TMPRSS2: variants seen among roughly 807,000 people sequenced by gnomAD.
TMPRSS2 encodes the protein transmembrane serine protease 2, also known as transmembrane protease serine 2.
Under a neutral mutation model 67.4 loss-of-function variants are expected in TMPRSS2, and 59 were observed. The ratio of observed to expected loss-of-function variants is 0.88; its 90% confidence interval spans 0.71 to 1.09. The LOEUF is 1.09. Among genes scored for constraint, TMPRSS2 ranks in the 50% least tolerant of loss-of-function variants. TMPRSS2 has a pLI of 0.00. For missense variants in TMPRSS2, 668 were observed against 642.7 expected, an observed-to-expected ratio of 1.04 and a Z score of -0.43; for synonymous variants, 257 against 257.0, an observed-to-expected ratio of 1.00 and a Z score of 0.00.
chr21:41,472,369 T>A (rs1007664762), intron 9 of TMPRSS2, among the ~76,000 whole-genome samples: 11 of 152,180 alleles, frequency 7.2e-5, no homozygotes, highest in Admixed American at 7.2e-4. Context: ...ATGAACAGAC[T>A]TGTCCGATAT....
intron 11 of TMPRSS2, 68 bp downstream of exon 11, chr21:41,470,580 C>T (rs1339611244): frequency 6.9e-7 from 1 of 1,453,260 alleles, no homozygotes; most frequent in Non-Finnish European, 9.5e-7. Flanking sequence ...AAACCTGGAC[C>T]TCCCACTTCC....
In TMPRSS2 at chr21:41,464,497, T is replaced by C. The variant is rs560183935; in HGVS notation, c.*1645A>G. 6.7e-4 allele frequency: 133 copies of C among 198,120 alleles called. No homozygotes were observed. Among genetic ancestry groups the C allele is most frequent in the African/African-American group, 3.0e-3 (129 of 43,484 alleles). The allele number at this position is 198,120 out of a possible 1,614,324, so 12.3% of individuals were successfully genotyped here. On this transcript the variant is annotated 3_prime_UTR_variant, in exon 14 of 14. Transcript: ENST00000332149. ...CAGCAGCCTCAACATCACCCCCTTA[T>C]AAGGAAATGGAGGCTGGTCCTACTC...
intron 2 of TMPRSS2, among the ~76,000 whole-genome samples, chr21:41,495,526 G>A (rs1247131974): frequency 4.0e-5 from 6 of 151,602 alleles, no homozygotes; most frequent in Non-Finnish European, 7.4e-5. Context: ...TTGGGAGGCC[G>A]AGGCGGGAGA....
Position 41,468,476 on chromosome 21 carries a change from T to C in TMPRSS2, c.1234A>G (p.Ser412Gly), listed in dbSNP as rs749796459. Residue 412 changes from serine (S) to glycine (G), a missense_variant, in exon 12 of 14, where the codon AGC (serine) becomes GGC (glycine). Ser to Gly is a moderately conservative substitution (Grantham distance 56, BLOSUM62 0). Transcript: ENST00000332149. ...ATCAGGTTGTCATAGACATATCTGC[T>C]GTTGCATCTCTGTGTCTCAATGAGA... ...VLLIETQRCN[S>G]RYVYDNLITP... The C allele has an allele frequency of 1.9e-6, 3 of 1,614,224 alleles. No homozygotes were observed. In the African/African-American group the frequency reaches 4.0e-5, roughly 22 times the overall value.
chr21:41,473,199 G>A, intron 9 of TMPRSS2, 126 bp downstream of exon 9: 2 of 1,126,734 alleles, frequency 1.8e-6, no homozygotes, highest in Non-Finnish European at 2.5e-6. Context: ...TAGGAAGCAG[G>A]TGCAATACTC....
rs1430156730 is a variant in TMPRSS2 at position 41,508,047 on chromosome 21, C to T, written c.-57+34G>A. 3.1e-6 allele frequency: 4 copies of T among 1,298,582 alleles called. No homozygotes were observed. The African/African-American group carries it at 4.6e-5, about 15-fold the overall frequency. The allele number at this position is 1,298,582 out of a possible 1,614,324, so 80.4% of individuals were successfully genotyped here. On this transcript the variant is annotated intron_variant, in intron 1 of 13. Coordinates refer to ENST00000332149, the MANE Select transcript of TMPRSS2 (RefSeq NM_005656.4). ...CCAGGTTCCCCTCCCCAGCCCGGAC[C>T]CCGAGCCGGGACCCTGGTACCGGCG...
In TMPRSS2 at chr21:41,465,471, T is replaced by C. The variant is rs573615979; in HGVS notation, c.*671A>G. On this transcript the variant is annotated 3_prime_UTR_variant, in exon 14 of 14. Transcript: ENST00000332149. The stretch of plus-strand genomic sequence containing the variant: ...CCCACCCAATGTGCAGGTGGAGACC[T>C]GCACCAGGAGTGCTCAGGGCAAGTT... 25 of 233,466 alleles carry C rather than the reference T, an allele frequency of 1.1e-4. No individual in the cohort carries two copies. The highest frequency in any genetic ancestry group is 5.1e-4 in the African/African-American group (23 of 45,478). The allele number at this position is 233,466 out of a possible 1,614,324, so 14.5% of individuals were successfully genotyped here. A position where few individuals can be genotyped will look rare whatever the true frequency, so the allele number is the denominator to read the frequency against.
At chr21:41,480,004 T>C (rs2091244215) in intron 6 of TMPRSS2, among the ~76,000 whole-genome samples, 2 of 152,116 alleles carry the variant, frequency 1.3e-5, no homozygotes, top group Admixed American at 1.3e-4. Flanking sequence ...GATTGATTGA[T>C]TCTCTCCCCA....
At chr21:41,505,113 C>T (rs893379719) in intron 1 of TMPRSS2, among the ~76,000 whole-genome samples, 2 of 152,180 alleles carry the variant, frequency 1.3e-5, no homozygotes, top group African/African-American at 4.8e-5. Flanking sequence ...CTTTCCAAGT[C>T]TTCAGCAACC....
At chr21:41,469,568 T>G (rs1180283262) in intron 11 of TMPRSS2, among the ~76,000 whole-genome samples, 1 of 152,166 alleles carries the variant, frequency 6.6e-6, no homozygotes, top group African/African-American at 2.4e-5. Context: ...CTAGCCTTTT[T>G]GATGTGTACA....
At position 41,471,887 on chromosome 21, in the gene TMPRSS2, T is replaced by G. The variant is rs373952557; in HGVS notation, c.994A>C (p.Ile332Leu). Residue 332 changes from isoleucine to leucine, a missense_variant, in exon 10 of 14, where the codon ATT (isoleucine) becomes CTT (leucine). Coordinates refer to ENST00000332149, the MANE Select transcript of TMPRSS2 (RefSeq NM_005656.4). Reference sequence around the variant, plus strand: ...TTGGAGTCATAATTTGGATGAGAAATCACTTTTTCTACTTGGTATCCGGCT... The same window carrying G: ...TTGGAGTCATAATTTGGATGAGAAAGCACTTTTTCTACTTGGTATCCGGCT... Reference protein sequence around the residue: ...YGAGYQVEKVISHPNYDSKTK... With the variant: ...YGAGYQVEKVLSHPNYDSKTK... 48 of 1,613,416 alleles carry G rather than the reference T, an allele frequency of 3.0e-5. No individual in the cohort carries two copies. The highest frequency in any genetic ancestry group is 3.6e-5 in the Non-Finnish European group (43 of 1,179,886).
intron 10 of TMPRSS2, among the ~76,000 whole-genome samples, chr21:41,471,179 C>T (rs558492934): frequency 6.6e-6 from 1 of 152,296 alleles, no homozygotes; most frequent in South Asian, 2.1e-4. Context: ...GTAGGGAGGG[C>T]TGAGGTTTTG....
chr21:41,479,560 A>G (rs1248374875), intron 6 of TMPRSS2, among the ~76,000 whole-genome samples: 1 of 152,218 alleles, frequency 6.6e-6, no homozygotes, highest in African/African-American at 2.4e-5. Context: ...GTATAATCAT[A>G]CACACATTTA....
In TMPRSS2 at chr21:41,471,953, C is replaced by A. The variant is rs2091137208; in HGVS notation, c.928G>T (p.Ala310Ser). Residue 310 changes from alanine (A) to serine (S), a missense_variant, in exon 10 of 14, where the codon GCA becomes TCA. Transcript: ENST00000332149. ...KPLNNPWHWT[A>S]FAGILRQSFM... ...GATTGTCTCAAAATCCCCGCAAATG[C>A]CGTCCAATGCCATGGATTGTTAAGA... 6.2e-7 allele frequency: 1 copy of A among 1,611,236 alleles called. No homozygotes were observed. The highest frequency in any genetic ancestry group is 1.3e-5 in the African/African-American group (1 of 74,782).
intron 1 of TMPRSS2, among the ~76,000 whole-genome samples, chr21:41,501,341 G>T (rs2091422062): frequency 6.6e-6 from 1 of 152,230 alleles, no homozygotes; most frequent in Non-Finnish European, 1.5e-5. Context: ...GGGCACGGCG[G>T]CTCCTGCCTA....
chr21:41,499,117 A>T (rs1342165187), intron 1 of TMPRSS2, among the ~76,000 whole-genome samples: 1 of 152,194 alleles, frequency 6.6e-6, no homozygotes, highest in East Asian at 1.9e-4. Context: ...AAAATAATCC[A>T]TAAAACATGT....
chr21:41,493,774 C>T (rs1300579372), intron 3 of TMPRSS2, among the ~76,000 whole-genome samples: 4 of 152,184 alleles, frequency 2.6e-5, no homozygotes, highest in Admixed American at 2.0e-4. Context: ...AGAGGAGGGA[C>T]TGAAGTGACA....
At chr21:41,485,418 CA>C (rs1053203586) in intron 5 of TMPRSS2, among the ~76,000 whole-genome samples, 1 of 151,878 alleles carries the variant, frequency 6.6e-6, no homozygotes, top group Non-Finnish European at 1.5e-5. Flanking sequence ...GAGGCTGAGG[CA>C]GGAGAATTGC....
At chr21:41,504,071 T>C (rs1366874677) in intron 1 of TMPRSS2, among the ~76,000 whole-genome samples, 2 of 152,220 alleles carry the variant, frequency 1.3e-5, no homozygotes, top group Non-Finnish European at 2.9e-5. Context: ...TCAGCTTAGT[T>C]CCATCTGCCA....
Sources: allele counts gnomAD v4.1 joint callset (sites outside exome capture counted in the v4.1 genomes callset), GRCh38; gene constraint gnomAD v4.1.1; transcripts MANE v1.5; gene names NCBI Gene and HGNC (gene_info 2026-07-23, HGNC 2026-07-21).